MYPN: variants seen among roughly 807,000 people sequenced by gnomAD.
MYPN encodes myopalladin.
In MYPN, 63 loss-of-function variants were observed where a neutral mutation model predicts 129.4. That is an observed-to-expected ratio of 0.49 (90% CI 0.40 to 0.60). The LOEUF (loss-of-function observed/expected upper bound fraction) is 0.60, where lower values mean the gene tolerates loss of function less well. MYPN is among the 20% of genes least tolerant of loss of function. MYPN has a pLI of 0.00. For synonymous variants in MYPN, 629 were observed against 600.9 expected (o/e 1.05, Z -0.68); for missense variants, 1,596 against 1,635.4 (o/e 0.98, Z 0.42).
At chr10:68,189,993 T>A (rs1444378917) in intron 13 of MYPN, among the ~76,000 whole-genome samples, 1 of 152,098 alleles carries the variant, frequency 6.6e-6, no homozygotes, top group Non-Finnish European at 1.5e-5. Flanking sequence ...CCACCAACAG[T>A]GTATGAGGGT....
chr10:68,097,450 A>G (rs1213352807), intron 1 of MYPN, among the ~76,000 whole-genome samples: 1 of 152,218 alleles, frequency 6.6e-6, no homozygotes, highest in East Asian at 1.9e-4. Flanking sequence ...TGACTTCACA[A>G]AGTGAACTAA....
At chr10:68,139,296 G>T (rs1196183975) in intron 2 of MYPN, among the ~76,000 whole-genome samples, 1 of 152,130 alleles carries the variant, frequency 6.6e-6, no homozygotes, top group Non-Finnish European at 1.5e-5. Flanking sequence ...ACTTTCTGGG[G>T]TTCTGCTGCA....
rs61303482 is a variant in MYPN at position 68,128,977 on chromosome 10, G to A, written c.902+6637G>A. Among the ~76,000 whole-genome samples, 1,472 of 151,874 alleles carry A rather than the reference G, an allele frequency of 9.7e-3. 36 individuals carry two copies. Among genetic ancestry groups the A allele is most frequent in the East Asian group, 0.097 (494 of 5,118 alleles). On this transcript the variant is annotated intron_variant, in intron 2 of 19. Transcript: ENST00000358913. The stretch of plus-strand genomic sequence containing the variant: ...AGATAAGCATAGAGAGAGACTAGAC[G>A]CCAGATTCTCTCTCCTCTCTCTCTC...
intron 1 of MYPN, among the ~76,000 whole-genome samples, chr10:68,097,282 G>A (rs967822094): frequency 1.2e-4 from 19 of 152,098 alleles, no homozygotes; most frequent in African/African-American, 4.1e-4. Context: ...GCACTAATTA[G>A]CATTCTTGTT....
intron 6 of MYPN, among the ~76,000 whole-genome samples, chr10:68,152,014 T>C (rs1016615724): frequency 5.3e-5 from 8 of 152,164 alleles, no homozygotes; most frequent in African/African-American, 1.9e-4. Context: ...AATCCGTACA[T>C]GTAAGATGTA....
upstream of MYPN, among the ~76,000 whole-genome samples, chr10:68,107,492 C>A (rs987379191): frequency 6.7e-6 from 1 of 149,852 alleles, no homozygotes; most frequent in Non-Finnish European, 1.5e-5. Flanking sequence ...AGGCATGCAC[C>A]TCTACGCCCT....
chr10:68,157,451 C>T (rs1489338873), intron 6 of MYPN, among the ~76,000 whole-genome samples: 1 of 152,040 alleles, frequency 6.6e-6, no homozygotes, highest in East Asian at 1.9e-4. Flanking sequence ...TACATCACTC[C>T]TATGTTGAAC....
intron 1 of MYPN, among the ~76,000 whole-genome samples, chr10:68,119,421 A>ATTTG (rs1436947212): frequency 7.5e-6 from 1 of 133,436 alleles, no homozygotes; most frequent in Non-Finnish European, 1.6e-5. Context: ...TTATTTATTT[A>ATTTG]TTTATTGAGA....
At position 68,161,731 on chromosome 10, in the gene MYPN, C is replaced by T. The variant is rs1472569286; in HGVS notation, c.1462C>T (p.Pro488Ser). The T allele has an allele frequency of 1.2e-6, 2 of 1,610,790 alleles. No homozygotes were observed. The highest frequency in any genetic ancestry group is 2.7e-5 in the African/African-American group (2 of 74,744). Reference protein sequence around the residue: ...SPDFRILQKKPRSMAEPEEIC... With the variant: ...SPDFRILQKKSRSMAEPEEIC... ...TCTTTTACTTTCTTTTCTTTTAGAA[C>T]CTCGATCCATGGCAGAGCCAGGTAA... Residue 488 changes from proline (P) to serine (S), a missense_variant and splice_region_variant, in exon 8 of 20, where the codon CCT becomes TCT. Transcript: ENST00000358913.
At chr10:68,205,421 G>A (rs1204839399) in intron 18 of MYPN, among the ~76,000 whole-genome samples, 5 of 151,630 alleles carry the variant, frequency 3.3e-5, no homozygotes, top group South Asian at 2.1e-4. Context: ...GCTCACACCC[G>A]TAATCCCAGC....
chr10:68,158,958 T>C (rs886733199), intron 7 of MYPN, among the ~76,000 whole-genome samples: 2 of 151,918 alleles, frequency 1.3e-5, no homozygotes, highest in Non-Finnish European at 2.9e-5. Context: ...TGGAGTGCAG[T>C]GGCACGATCT....
chr10:68,169,668 C>G (rs944441288), intron 10 of MYPN, among the ~76,000 whole-genome samples: 1 of 152,072 alleles, frequency 6.6e-6, no homozygotes, highest in Non-Finnish European at 1.5e-5. Flanking sequence ...TGGTCCAAGA[C>G]GGCTGATGGT....
rs752576213 is a variant in MYPN at position 68,166,346 on chromosome 10, C to T, written c.1653C>T (p.Thr551=). The T allele has an allele frequency of 2.9e-5, 47 of 1,613,936 alleles. No homozygotes were observed. Among genetic ancestry groups the T allele is most frequent in the Non-Finnish European group, 3.7e-5 (44 of 1,179,994 alleles). Reference sequence around the variant, plus strand: ...CTCTTCACTCAGCCAACTCTACCACCAACCTGGCAGCTATTGAGCCACAGC... The same window carrying T: ...CTCTTCACTCAGCCAACTCTACCACTAACCTGGCAGCTATTGAGCCACAGC... ...NGSLHSANST[T]NLAAIEPQPS... The change falls in exon 10 of 20, where the codon ACC becomes ACT. Residue 551 remains threonine (T), a synonymous_variant. Transcript: ENST00000358913.
chr10:68,129,703 T>C (rs1352881088), intron 2 of MYPN, among the ~76,000 whole-genome samples: 4 of 152,242 alleles, frequency 2.6e-5, no homozygotes, highest in Non-Finnish European at 5.9e-5. Context: ...GTAAGAGTTT[T>C]GGTTGTTCTA....
In MYPN at chr10:68,143,109, A is replaced by G. The variant is rs1589550283; in HGVS notation, c.1072A>G (p.Ile358Val). Residue 358 changes from isoleucine to valine, a missense_variant, in exon 3 of 20, where the codon ATA becomes GTA. Physicochemically the swap from Ile to Val is conservative, Grantham distance 29. Transcript: ENST00000358913. ...GTDSTSAEIY[I>V]EGVSSSDSEG... ...AGATTCGACTTCTGCTGAGATTTAT[A>G]TAGAAGGTAAAACAAAATGCTCTTG... is the stretch of plus-strand genomic sequence containing the variant. 1 of 1,613,950 alleles carries G rather than the reference A, an allele frequency of 6.2e-7. No individual in the cohort carries two copies. The highest frequency in any genetic ancestry group is 8.5e-7 in the Non-Finnish European group (1 of 1,179,910).
upstream of MYPN, among the ~76,000 whole-genome samples, chr10:68,108,791 G>A (rs911823466): frequency 1.7e-4 from 26 of 151,850 alleles, no homozygotes; most frequent in African/African-American, 6.0e-4. Context: ...GCGTGATCTC[G>A]GCTCACCGCA....
At chr10:68,114,535 G>A (rs1342741487) in intron 1 of MYPN, among the ~76,000 whole-genome samples, 1 of 151,934 alleles carries the variant, frequency 6.6e-6, no homozygotes, top group African/African-American at 2.4e-5. Flanking sequence ...TTTTAGTAGA[G>A]ACAGGGTTTC....
intron 3 of MYPN, among the ~76,000 whole-genome samples, chr10:68,144,678 C>A (rs1322777560): frequency 6.6e-6 from 1 of 151,958 alleles, no homozygotes; most frequent in Non-Finnish European, 1.5e-5. Context: ...ATTTTAAACA[C>A]CCCCTCTCTC....
chr10:68,201,896 C>A lies in MYPN; in HGVS notation c.3561C>A (p.His1187Gln). The change falls in exon 18 of 20, where the codon CAC (histidine) becomes CAA (glutamine). Residue 1187 changes from histidine (H) to glutamine (Q), a missense_variant. By Grantham distance (24) the His-to-Gln change is conservative (BLOSUM62 0). Coordinates refer to ENST00000358913, the MANE Select transcript of MYPN (RefSeq NM_032578.4). Reference sequence around the variant, plus strand: ...AGAACTGCGGTGTTCCCGAAGGCCACCCCGTGAGACTGGAGTGCCGCGTGA... The same window carrying A: ...AGAACTGCGGTGTTCCCGAAGGCCAACCCGTGAGACTGGAGTGCCGCGTGA... ...KLQNCGVPEG[H>Q]PVRLECRVIG... is the part of the protein sequence containing the mutation. The A allele has an allele frequency of 1.2e-6, 2 of 1,614,150 alleles. No individual in the cohort carries two copies. Among genetic ancestry groups the A allele is most frequent in the Non-Finnish European group, 1.7e-6 (2 of 1,180,028 alleles).
Sources: allele counts gnomAD v4.1 joint callset (sites outside exome capture counted in the v4.1 genomes callset), GRCh38; gene constraint gnomAD v4.1.1; transcripts MANE v1.5; gene names NCBI Gene and HGNC (gene_info 2026-07-23, HGNC 2026-07-21).